The following SCARA5 variants were observed in gnomAD, a reference collection of about 807,000 sequenced individuals.
SCARA5 encodes scavenger receptor class A, member 5 (putative).
A neutral mutation model predicts 46.3 loss-of-function variants in SCARA5; 45 were observed. The ratio of observed to expected loss-of-function variants is 0.97; its 90% CI spans 0.76 to 1.24. The LOEUF (loss-of-function observed/expected upper bound fraction) is 1.24. Ranked by LOEUF, SCARA5 falls within the 50% of genes most tolerant of loss-of-function variation. SCARA5 has a pLI of 0.00. For synonymous variants in SCARA5, 333 were observed against 306.5 expected (o/e 1.09, Z -0.90); for missense variants, 680 against 689.0 (o/e 0.99, Z 0.15).
intron 3 of SCARA5, among the ~76,000 whole-genome samples, chr8:27,964,585 T>C (rs1263696560): frequency 2.0e-5 from 3 of 152,076 alleles, no homozygotes; most frequent in African/African-American, 7.2e-5. Context: ...TAGCAAACTG[T>C]CCTTTATTTT....
At chr8:27,872,125 G>A (rs1436516863) in intron 8 of SCARA5, 55 bp from the exon 9 acceptor site, 8 of 1,593,028 alleles carry the variant, frequency 5.0e-6, no homozygotes, top group Non-Finnish European at 6.9e-6. Context: ...GCGAGAAGGA[G>A]AAGAGAGAGC....
Position 27,975,634 on chromosome 8 carries a change from G to A in SCARA5, c.113-9092C>T, listed in dbSNP as rs1026608206. ...CTGTTGATGGAGAGAAATCCTCATC[G>A]ATTTTGGTAACCTGAAGTGAAGCAT... On this transcript the variant is annotated intron_variant, in intron 2 of 8. Transcript: ENST00000354914. 3.9e-5 allele frequency among the ~76,000 whole-genome samples: 6 copies of A among 152,204 alleles called. No homozygotes were observed. In the South Asian group the frequency reaches 6.2e-4, roughly 16 times the overall value.
chr8:27,936,868 G>C (rs1191798005), intron 3 of SCARA5, among the ~76,000 whole-genome samples: 1 of 152,094 alleles, frequency 6.6e-6, no homozygotes, highest in African/African-American at 2.4e-5. Context: ...TTTGTGCCCT[G>C]GCCCTAGCAT....
At position 27,921,773 on chromosome 8, in the gene SCARA5, C is replaced by T; in HGVS notation, c.714G>A (p.Val238=). Residue 238 remains valine (V), a synonymous_variant, in exon 4 of 9, where the codon GTG becomes GTA. Coordinates refer to ENST00000354914, the MANE Select transcript of SCARA5 (RefSeq NM_173833.6). ...RGLNHSLSYD[V]ALHRTRLQDL... is the part of the protein sequence containing the mutation. ...CCTGCAGCCGCGTGCGGTGGAGGGCCACGTCGTAGGACAGGCTGTGGTTGA... is the reference window on the plus strand; with the variant it reads ...CCTGCAGCCGCGTGCGGTGGAGGGCTACGTCGTAGGACAGGCTGTGGTTGA... 1 of 1,575,520 alleles carries T rather than the reference C, an allele frequency of 6.3e-7. No homozygotes were observed. The highest frequency in any genetic ancestry group is 2.3e-5 in the East Asian group (1 of 43,338).
rs974260527 is a variant in SCARA5, at chr8:27,901,548, C to G, written c.1153+3230G>C. On this transcript the variant is annotated intron_variant, in intron 7 of 8. Transcript: ENST00000354914. ...TGAAAGCTGAGCCTTGGCTCTCCCC[C>G]ACAGAGCCCGGGTCTCAGGGATATG... 2.9e-4 allele frequency among the ~76,000 whole-genome samples: 44 copies of G among 152,160 alleles called. 1 individual carries two copies. Among genetic ancestry groups the G allele is most frequent in the East Asian group, 1.9e-4 (1 of 5,168 alleles).
chr8:27,987,401 G>T (rs1808719943), intron 2 of SCARA5, 103 bp downstream of exon 2: 2 of 766,706 alleles, frequency 2.6e-6, no homozygotes, highest in African/African-American at 1.7e-5. Context: ...ACATGAGGAG[G>T]TCACAAGCAC....
In SCARA5 at chr8:27,967,855, G is replaced by A. The variant is rs938889603; in HGVS notation, c.113-1313C>T. Among the ~76,000 whole-genome samples the A allele has an allele frequency of 7.2e-5, 11 of 152,332 alleles. No individual in the cohort carries two copies. The East Asian group carries it at 1.7e-3, about 24-fold the overall frequency. ...TTGAACCCAGGAAGCAGAGGTTGCA[G>A]TGAGCTGAGATCACGCCACTGCACT... On this transcript the variant is annotated intron_variant, in intron 2 of 8. Transcript: ENST00000354914.
intron 2 of SCARA5, among the ~76,000 whole-genome samples, chr8:27,968,814 T>C (rs2685398): frequency 0.54 from 82,447 of 151,808 alleles, 22,592 homozygotes; most frequent in South Asian, 0.62. Flanking sequence ...AGTGGGTCAA[T>C]GTGCAATGAT....
intron 2 of SCARA5, among the ~76,000 whole-genome samples, chr8:27,976,651 T>C (rs1161465404): frequency 3.3e-5 from 5 of 152,068 alleles, no homozygotes; most frequent in Non-Finnish European, 4.4e-5. Context: ...CACCATTCAG[T>C]GGGAAGGGTG....
chr8:27,905,531 GGAAA>G (rs1258840718), intron 6 of SCARA5, among the ~76,000 whole-genome samples: 1 of 113,802 alleles, frequency 8.8e-6, no homozygotes, highest in Non-Finnish European at 2.0e-5. Context: ...TTTGGGGGGG[GGAAA>G]AAAAAAAGGC....
intron 3 of SCARA5, among the ~76,000 whole-genome samples, chr8:27,933,219 T>C (rs1807804577): frequency 6.6e-6 from 1 of 152,032 alleles, no homozygotes; most frequent in Non-Finnish European, 1.5e-5. Context: ...CAGTGACAAG[T>C]GGTTAGAACA....
At chr8:27,906,276 G>A (rs983896410) in intron 6 of SCARA5, among the ~76,000 whole-genome samples, 12 of 152,174 alleles carry the variant, frequency 7.9e-5, no homozygotes, top group African/African-American at 2.9e-4. Context: ...CTTGTCTTCC[G>A]CAGTGATGCT....
intron 3 of SCARA5, among the ~76,000 whole-genome samples, chr8:27,930,019 C>A (rs1807744033): frequency 1.3e-5 from 2 of 152,140 alleles, no homozygotes; most frequent in South Asian, 4.1e-4. Context: ...GCCAAATGCC[C>A]TACAATCCCA....
chr8:27,963,516 C>T (rs894797880), intron 3 of SCARA5, among the ~76,000 whole-genome samples: 3 of 152,110 alleles, frequency 2.0e-5, no homozygotes, highest in Non-Finnish European at 4.4e-5. Context: ...GGGAAGAGAA[C>T]CCAGTGCCAG....
At chr8:27,989,195 G>GTGC (rs1393839321) in intron 1 of SCARA5, among the ~76,000 whole-genome samples, 1 of 131,564 alleles carries the variant, frequency 7.6e-6, no homozygotes, top group Non-Finnish European at 1.5e-5. Context: ...GATGGCAGTG[G>GTGC]TGCAGTCTTG....
At chr8:27,984,604 TCATC>T (rs1442037072) in intron 2 of SCARA5, among the ~76,000 whole-genome samples, 2 of 149,308 alleles carry the variant, frequency 1.3e-5, no homozygotes, top group African/African-American at 2.5e-5. Context: ...ATCCATCCAT[TCATC>T]CATCCATCCA....
chr8:27,901,749 G>A (rs546346439), intron 7 of SCARA5, among the ~76,000 whole-genome samples: 1 of 152,156 alleles, frequency 6.6e-6, no homozygotes, highest in Non-Finnish European at 1.5e-5. Flanking sequence ...CAGCCCCAAG[G>A]TCCTTACATC....
Position 27,922,122 on chromosome 8 carries a change from G to A in SCARA5, c.365C>T (p.Thr122Met), listed in dbSNP as rs373848299. Reference protein sequence around the residue: ...LLQAPLQADLTEQVWKVQDAL... With the variant: ...LLQAPLQADLMEQVWKVQDAL... Reference sequence around the variant, plus strand: ...GTCCTGCACCTTCCACACCTGCTCCGTCAGGTCCGCTTGCAGCGGAGCCTG... The same window carrying A: ...GTCCTGCACCTTCCACACCTGCTCCATCAGGTCCGCTTGCAGCGGAGCCTG... The change falls in exon 4 of 9, where the codon ACG becomes ATG. Residue 122 changes from threonine to methionine, a missense_variant. By Grantham distance (81) the Thr-to-Met change is moderately conservative. This residue lies in a region of SCARA5 where 438 missense variants were observed against 384.5 expected (regional missense o/e 1.14). Transcript: ENST00000354914. 31 of 1,606,102 alleles carry A rather than the reference G, an allele frequency of 1.9e-5. No homozygotes were observed. The African/African-American group carries it at 3.3e-4, about 17-fold the overall frequency.
At chr8:27,975,255 A>G (rs564415992) in intron 2 of SCARA5, among the ~76,000 whole-genome samples, 6 of 152,324 alleles carry the variant, frequency 3.9e-5, no homozygotes, top group South Asian at 4.1e-4. Context: ...TGGGGAAGGC[A>G]TGGAAGGTCT....
Sources: allele counts gnomAD v4.1 joint callset (sites outside exome capture counted in the v4.1 genomes callset), GRCh38; gene constraint gnomAD v4.1.1; regional missense constraint gnomAD v4.1.1; transcripts MANE v1.5; gene names NCBI Gene and HGNC (gene_info 2026-07-23, HGNC 2026-07-21).